The following RASAL2 variants were observed in gnomAD, a reference collection of about 807,000 sequenced individuals.
RASAL2 encodes RAS protein activator like 2.
In RASAL2, 58 loss-of-function variants were observed where a neutral mutation model predicts 128.9. The ratio of observed to expected loss-of-function variants is 0.45; its 90% confidence interval spans 0.36 to 0.56. RASAL2 has a LOEUF of 0.56. Ranked by LOEUF, RASAL2 falls within the 20% of genes least tolerant of loss-of-function variation. RASAL2 has a pLI of 0.00. For missense variants in RASAL2, 1,360 were observed against 1,601.6 expected (o/e 0.85, Z 2.57); for synonymous variants, 561 against 580.8 (o/e 0.97, Z 0.49).
intron 1 of RASAL2, among the ~76,000 whole-genome samples, chr1:178,212,224 C>T (rs1178820223): frequency 6.6e-6 from 1 of 152,172 alleles, no homozygotes; most frequent in African/African-American, 2.4e-5. Context: ...TCAGCTAGTT[C>T]ATTCCATTAC....
intron 1 of RASAL2, among the ~76,000 whole-genome samples, chr1:178,266,246 T>C (rs1665944407): frequency 6.6e-6 from 1 of 152,232 alleles, no homozygotes; most frequent in Non-Finnish European, 1.5e-5. Flanking sequence ...CAATACTTAG[T>C]ATCTTTTTCA....
intron 1 of RASAL2, among the ~76,000 whole-genome samples, chr1:178,222,964 A>G (rs1663662056): frequency 6.6e-6 from 1 of 152,120 alleles, no homozygotes; most frequent in African/African-American, 2.4e-5. Flanking sequence ...GTATAGAGAA[A>G]ATGACTCCCT....
chr1:178,288,239 A>T (rs895742826), intron 2 of RASAL2, among the ~76,000 whole-genome samples: 1 of 152,210 alleles, frequency 6.6e-6, no homozygotes, highest in African/African-American at 2.4e-5. Flanking sequence ...CAGGAGCTTG[A>T]ACTACACTTT....
chr1:178,281,000 G>A (rs551740726), intron 1 of RASAL2, among the ~76,000 whole-genome samples: 1 of 152,008 alleles, frequency 6.6e-6, no homozygotes, highest in South Asian at 2.1e-4. Context: ...ATGAGAACAT[G>A]ATATAACATA....
intron 1 of RASAL2, among the ~76,000 whole-genome samples, chr1:178,147,410 A>T (rs1660768369): frequency 6.8e-6 from 1 of 147,612 alleles, no homozygotes; most frequent in South Asian, 2.1e-4. Context: ...GAATCGCTTG[A>T]GCCCCGGAGG....
chr1:178,411,821 C>A, intron 4 of RASAL2: 1 of 768,644 alleles, frequency 1.3e-6, no homozygotes. Context: ...TGCAAGGAGC[C>A]AGGTATCACT....
At chr1:178,143,098 A>G (rs1480917952) in intron 1 of RASAL2, among the ~76,000 whole-genome samples, 1 of 152,030 alleles carries the variant, frequency 6.6e-6, no homozygotes. Context: ...TGGAAGGAAC[A>G]CATATTCAAA....
intron 1 of RASAL2, among the ~76,000 whole-genome samples, chr1:178,219,759 T>A (rs1663553045): frequency 6.6e-6 from 1 of 152,196 alleles, no homozygotes; most frequent in Admixed American, 6.5e-5. Flanking sequence ...GCTTAATCAT[T>A]TCTAGCTTTT....
At chr1:178,382,271 T>G (rs1672326994) in intron 3 of RASAL2, among the ~76,000 whole-genome samples, 1 of 152,218 alleles carries the variant, frequency 6.6e-6, no homozygotes, top group African/African-American at 2.4e-5. Context: ...GTCATTAAGT[T>G]AGTAAACTTT....
In RASAL2 at chr1:178,445,737, T is replaced by C. The variant is rs114415120; in HGVS notation, c.1627+75T>C. ...AGCTATTTCACCCCCATGAGACGAATTGAGCTCAAATTCTGCATGTTATTT... is the reference window on the plus strand; with the variant it reads ...AGCTATTTCACCCCCATGAGACGAACTGAGCTCAAATTCTGCATGTTATTT... On this transcript the variant is annotated intron_variant, in intron 9 of 17. Coordinates refer to ENST00000367649, the MANE Select transcript of RASAL2 (RefSeq NM_170692.4). 1,105 of 1,434,108 alleles carry C rather than the reference T, an allele frequency of 7.7e-4. 8 individuals are homozygous for C. In the African/African-American group the frequency reaches 0.012, roughly 16 times the overall value. The allele number at this position is 1,434,108 out of a possible 1,614,324, so 88.8% of individuals were successfully genotyped here. A position where few individuals can be genotyped will look rare whatever the true frequency, so the allele number is the denominator to read the frequency against.
At chr1:178,453,792 C>G (rs1477446231) in intron 11 of RASAL2, among the ~76,000 whole-genome samples, 1 of 151,970 alleles carries the variant, frequency 6.6e-6, no homozygotes, top group Non-Finnish European at 1.5e-5. Flanking sequence ...TTTCTGTTAG[C>G]AATGTATTGA....
intron 2 of RASAL2, among the ~76,000 whole-genome samples, chr1:178,295,444 G>T (rs553453248): frequency 2.7e-5 from 4 of 149,166 alleles, no homozygotes; most frequent in Admixed American, 2.7e-4. Context: ...TTCAGCTCCC[G>T]TTTATGAGTG....
chr1:178,107,388 G>A (rs1488025553), intron 1 of RASAL2, among the ~76,000 whole-genome samples: 1 of 152,076 alleles, frequency 6.6e-6, no homozygotes, highest in Non-Finnish European at 1.5e-5. Context: ...CAGATATTGA[G>A]TTCTTTGGTG....
rs1660309067 is a variant in RASAL2 at position 178,135,925 on chromosome 1, A to C, written c.202+41231A>C. 1.3e-5 allele frequency among the ~76,000 whole-genome samples: 2 copies of C among 152,180 alleles called. 1 individual carries two copies. The highest frequency in any genetic ancestry group is 4.1e-4 in the South Asian group (2 of 4,836). ...TATGGGGAAACTGCCCCCATGATTC[A>C]GTTATCTCCCACCAGGTCCCTCCCA... is the stretch of plus-strand genomic sequence containing the variant. On this transcript the variant is annotated intron_variant, in intron 1 of 17. Transcript: ENST00000367649.
chr1:178,231,227 A>C (rs1472943061), intron 1 of RASAL2, among the ~76,000 whole-genome samples: 1 of 151,870 alleles, frequency 6.6e-6, no homozygotes, highest in Non-Finnish European at 1.5e-5. Context: ...TGGTCACCTG[A>C]CATTCCTGGT....
At chr1:178,176,420 G>A (rs552290359) in intron 1 of RASAL2, among the ~76,000 whole-genome samples, 75 of 142,932 alleles carry the variant, frequency 5.2e-4, no homozygotes, top group Non-Finnish European at 9.6e-4. Flanking sequence ...TTTTTTCCTT[G>A]CTGATTCAAG....
intron 1 of RASAL2, among the ~76,000 whole-genome samples, chr1:178,232,225 G>A (rs1664039976): frequency 1.3e-5 from 2 of 152,250 alleles, no homozygotes; most frequent in Non-Finnish European, 2.9e-5. Flanking sequence ...TGAGCAGGCA[G>A]TTGAAAAGAA....
chr1:178,288,176 C>T (rs1667118945), intron 2 of RASAL2, among the ~76,000 whole-genome samples: 2 of 152,088 alleles, frequency 1.3e-5, no homozygotes, highest in Admixed American at 6.6e-5. Context: ...TGCTGCTTCT[C>T]GGTTTCTGTA....
intron 1 of RASAL2, among the ~76,000 whole-genome samples, chr1:178,171,100 C>T (rs1661690316): frequency 6.6e-6 from 1 of 151,830 alleles, no homozygotes. Flanking sequence ...CGTGGGTTTT[C>T]CTTGGAAAAT....
Sources: allele counts gnomAD v4.1 joint callset (sites outside exome capture counted in the v4.1 genomes callset), GRCh38; gene constraint gnomAD v4.1.1; transcripts MANE v1.5; gene names NCBI Gene and HGNC (gene_info 2026-07-23, HGNC 2026-07-21).